The following PTGER4 variants were observed in gnomAD, a reference collection of about 807,000 sequenced individuals.
The protein encoded by PTGER4 is prostaglandin E2 receptor EP4 subtype.
PTGER4 carries 11 observed loss-of-function variants against 33.2 expected under a neutral mutation model. The ratio of observed to expected loss-of-function variants is 0.33; its 90% CI spans 0.21 to 0.55. The LOEUF is 0.55. Ranked by LOEUF, PTGER4 falls within the 20% of genes least tolerant of loss-of-function variation. The pLI is 0.92. For missense variants in PTGER4, 481 were observed against 650.2 expected, an observed-to-expected ratio of 0.74 and a Z score of 2.83; for synonymous variants, 275 against 281.5, an observed-to-expected ratio of 0.98 and a Z score of 0.23.
chr5:40,695,877 T>C (rs1443378153), downstream of PTGER4, among the ~76,000 whole-genome samples: 1 of 152,210 alleles, frequency 6.6e-6, no homozygotes, highest in East Asian at 1.9e-4. Flanking sequence ...AGCTATACAA[T>C]GGGTACACAT....
the PTGER4 span, among the ~76,000 whole-genome samples, chr5:40,705,183 C>A: frequency 6.6e-6 from 1 of 152,006 alleles, no homozygotes; most frequent in African/African-American, 2.4e-5. Context: ...CATCTATGAG[C>A]ACCTGATCTT....
chr5:40,745,298 ATATGT>A, the PTGER4 span, among the ~76,000 whole-genome samples: 22,019 of 152,050 alleles, frequency 0.14, 1,678 homozygotes, highest in East Asian at 0.25. Flanking sequence ...TTGATAAAAG[ATATGT>A]TAGGTAAGAT....
the PTGER4 span, among the ~76,000 whole-genome samples, chr5:40,738,000 T>C: frequency 1.2e-4 from 19 of 152,354 alleles, no homozygotes; most frequent in East Asian, 3.5e-3. Flanking sequence ...ACACTATTAA[T>C]AAAGCTGCTA....
At chr5:40,718,991 A>T in the PTGER4 span, among the ~76,000 whole-genome samples, 1 of 152,228 alleles carries the variant, frequency 6.6e-6, no homozygotes, top group Non-Finnish European at 1.5e-5. Context: ...CCACCTATAT[A>T]GAAGTGTTAA....
chr5:40,709,044 G>A, the PTGER4 span, among the ~76,000 whole-genome samples: 8 of 152,066 alleles, frequency 5.3e-5, no homozygotes, highest in African/African-American at 1.9e-4. Flanking sequence ...AAAATAATAA[G>A]AGCTATCTAT....
the PTGER4 span, among the ~76,000 whole-genome samples, chr5:40,737,398 C>A: frequency 1.3e-5 from 2 of 151,944 alleles, no homozygotes; most frequent in South Asian, 4.2e-4. Context: ...AACCAAGACC[C>A]GAAAATACAT....
At chr5:40,722,920 C>T in the PTGER4 span, among the ~76,000 whole-genome samples, 1 of 152,262 alleles carries the variant, frequency 6.6e-6, no homozygotes, top group East Asian at 1.9e-4. Context: ...GCCCAGCCGC[C>T]ACCCCATCTG....
chr5:40,689,700 A>G (rs567309986), intron 2 of PTGER4, among the ~76,000 whole-genome samples: 1 of 152,280 alleles, frequency 6.6e-6, no homozygotes, highest in Admixed American at 6.5e-5. Context: ...TAAGGCAGCA[A>G]CATCCTCAAG....
chr5:40,714,597 T>C, the PTGER4 span: 1 of 152,200 alleles, frequency 6.6e-6, no homozygotes, highest in Non-Finnish European at 1.5e-5. Flanking sequence ...GAATGTTCTT[T>C]ATTAAACAAA....
chr5:40,719,974 T>C, the PTGER4 span, among the ~76,000 whole-genome samples: 2 of 152,236 alleles, frequency 1.3e-5, no homozygotes, highest in Non-Finnish European at 2.9e-5. Context: ...AAATATTTTC[T>C]TCCATTCTGT....
chr5:40,728,881 C>T, the PTGER4 span, among the ~76,000 whole-genome samples: 1 of 152,146 alleles, frequency 6.6e-6, no homozygotes, highest in East Asian at 1.9e-4. Flanking sequence ...CCCTAATGAA[C>T]ATCTTTATGT....
chr5:40,685,346 G>A (rs1240358028), intron 2 of PTGER4: 2 of 954,562 alleles, frequency 2.1e-6, no homozygotes, highest in Admixed American at 1.2e-4. Flanking sequence ...AAGTTTATAA[G>A]GACAGATAAA....
At chr5:40,746,114 C>T in the PTGER4 span, among the ~76,000 whole-genome samples, 1 of 151,920 alleles carries the variant, frequency 6.6e-6, no homozygotes, top group South Asian at 2.1e-4. Context: ...GTTTTCTCAA[C>T]AGAATCTACT....
At position 40,681,457 on chromosome 5, in the gene PTGER4, A is replaced by T; in HGVS notation, c.464A>T (p.Asn155Ile). 1 of 1,613,460 alleles carries T rather than the reference A, an allele frequency of 6.2e-7. No individual in the cohort carries two copies. The highest frequency in any genetic ancestry group is 8.5e-7 in the Non-Finnish European group (1 of 1,179,936). Reference protein sequence around the residue: ...ASNVLFCALPNMGLGSSRLQY... With the variant: ...ASNVLFCALPIMGLGSSRLQY... ...AACGTGCTCTTTTGCGCGCTGCCCA[A>T]CATGGGTCTCGGTAGCTCGCGGCTG... Residue 155 changes from asparagine to isoleucine, a missense_variant, in exon 2 of 3, where the codon AAC becomes ATC. Physicochemically the swap from Asn to Ile is moderately radical, Grantham distance 149. Around this residue, in one of 7 missense-constraint regions of PTGER4, gnomAD observed 43 missense variants for 39.4 expected, o/e 1.09. Coordinates refer to ENST00000302472, the MANE Select transcript of PTGER4 (RefSeq NM_000958.3). The surrounding 1 kb of genome is among the most constrained non-coding windows in gnomAD (Gnocchi z 9.8).
At chr5:40,718,881 A>G in the PTGER4 span, among the ~76,000 whole-genome samples, 1 of 152,188 alleles carries the variant, frequency 6.6e-6, no homozygotes, top group Non-Finnish European at 1.5e-5. Context: ...AGCCTGAGCA[A>G]CAGAGCGAGA....
chr5:40,730,038 C>CTAA, the PTGER4 span, among the ~76,000 whole-genome samples: 1 of 152,128 alleles, frequency 6.6e-6, no homozygotes, highest in African/African-American at 2.4e-5. Flanking sequence ...TCCTATCTTA[C>CTAA]AATAGTTAGG....
At chr5:40,744,231 A>G in the PTGER4 span, among the ~76,000 whole-genome samples, 4 of 152,230 alleles carry the variant, frequency 2.6e-5, no homozygotes, top group Admixed American at 2.0e-4. Context: ...AAAATACCAC[A>G]AATGAGAATT....
At chr5:40,722,900 G>A in the PTGER4 span, among the ~76,000 whole-genome samples, 5 of 151,930 alleles carry the variant, frequency 3.3e-5, no homozygotes, top group Non-Finnish European at 2.9e-5. Context: ...GGGAAGTGAG[G>A]AGCCCCTCTG....
the PTGER4 span, among the ~76,000 whole-genome samples, chr5:40,730,726 AAAATAAAGGATTAGC>A: frequency 6.6e-6 from 1 of 152,200 alleles, no homozygotes; most frequent in South Asian, 2.1e-4. Context: ...GTAAAAATCC[AAAATAAAGGATTAGC>A]AAATTAAGTC....
Sources: gnomAD v4.1 joint callset for allele counts (sites outside exome capture counted in the v4.1 genomes callset) on GRCh38, gnomAD v4.1.1 for gene constraint, gnomAD v4.1.1 regional missense constraint, Gnocchi (gnomAD v3.1) non-coding constraint, MANE v1.5 for transcripts, NCBI Gene and HGNC (gene_info 2026-07-23, HGNC 2026-07-21) for gene names.